The following DYNC2H1 variants were observed in gnomAD, a reference collection of about 807,000 sequenced individuals.
DYNC2H1 encodes cytoplasmic dynein 2 heavy chain 1.
In DYNC2H1, 410 loss-of-function variants were observed where a neutral mutation model predicts 570.0. That is an observed-to-expected ratio of 0.72 (90% confidence interval 0.66 to 0.78). The LOEUF (loss-of-function observed/expected upper bound fraction) is 0.78. Ranked by LOEUF, DYNC2H1 falls within the 30% of genes least tolerant of loss-of-function variation. The probability of loss-of-function intolerance (pLI) is 0.00; values close to 1 mark genes in which losing one functional copy is unlikely to be tolerated. For missense variants in DYNC2H1, 4,865 were observed against 5,046.4 expected (o/e 0.96, Z 1.09); for synonymous variants, 1,688 against 1,677.6 (o/e 1.01, Z -0.15).
At chr11:103,128,785 T>C in intron 12 of DYNC2H1, 125 bp from the exon 13 acceptor site, 1 of 822,068 alleles carries the variant, frequency 1.2e-6, no homozygotes, top group Non-Finnish European at 1.8e-6. Flanking sequence ...CTATTGGAGA[T>C]GAAAAACCAA....
At position 103,173,107 on chromosome 11, in the gene DYNC2H1, T is replaced by C. The variant is rs1352065822; in HGVS notation, c.5360T>C (p.Ile1787Thr). ...KEVEVNSNSGIFITMNPAGKG... is the reference protein window; with the variant it reads ...KEVEVNSNSGTFITMNPAGKG... ...GTAGAAGTAAATTCTAATTCTGGAATTTTTATCACTATGAATCCTGCTGGA... is the reference window on the plus strand; with the variant it reads ...GTAGAAGTAAATTCTAATTCTGGAACTTTTATCACTATGAATCCTGCTGGA... The change falls in exon 35 of 89, where the codon ATT (isoleucine) becomes ACT (threonine). Residue 1787 changes from isoleucine (I) to threonine (T), a missense_variant. Around this residue, in one of 5 missense-constraint regions of DYNC2H1, gnomAD observed 292 missense variants for 300.2 expected, o/e 0.97. Coordinates refer to ENST00000375735, the MANE Select transcript of DYNC2H1 (RefSeq NM_001377.3). 2 of 1,378,066 alleles carry C rather than the reference T, an allele frequency of 1.5e-6. No individual in the cohort carries two copies. The highest frequency in any genetic ancestry group is 5.9e-5 in the East Asian group (2 of 33,662). The allele number at this position is 1,378,066 out of a possible 1,614,324, so 85.4% of individuals were successfully genotyped here.
At chr11:103,279,254 G>C (rs188693872) in intron 70 of DYNC2H1, among the ~76,000 whole-genome samples, 2 of 152,216 alleles carry the variant, frequency 1.3e-5, no homozygotes, top group African/African-American at 4.8e-5. Flanking sequence ...AATTTTGTAT[G>C]CCATATATAA....
intron 80 of DYNC2H1, among the ~76,000 whole-genome samples, chr11:103,317,660 A>C (rs977737936): frequency 4.6e-5 from 7 of 152,164 alleles, no homozygotes; most frequent in African/African-American, 1.7e-4. Flanking sequence ...TGAAGGTTTT[A>C]ATAGGTGTTC....
chr11:103,303,372 A>G (rs1165412934), intron 76 of DYNC2H1, 119 bp downstream of exon 76: 19 of 1,102,542 alleles, frequency 1.7e-5, no homozygotes, highest in South Asian at 3.8e-5. Context: ...AAAAATGTCT[A>G]TGTCCTAATC....
intron 70 of DYNC2H1, among the ~76,000 whole-genome samples, chr11:103,262,592 C>T (rs1356034625): frequency 1.3e-5 from 2 of 152,062 alleles, no homozygotes; most frequent in African/African-American, 4.8e-5. Context: ...TTTCATATCT[C>T]ACCAAACTAA....
Position 103,319,768 on chromosome 11 carries a change from T to C in DYNC2H1, c.11726-1261T>C, listed in dbSNP as rs762434778. On this transcript the variant is annotated intron_variant, in intron 80 of 88. Coordinates refer to ENST00000375735, the MANE Select transcript of DYNC2H1 (RefSeq NM_001377.3). This position sits in a 1 kb window ranked among gnomAD's most constrained non-coding sequence, Gnocchi z 4.3. ...AGATACACTAATATGTCTGTATTCC[T>C]TAATGACTTATCAATGACTGGCTAA... 6.6e-5 allele frequency among the ~76,000 whole-genome samples: 10 copies of C among 152,222 alleles called. No homozygotes were observed. The highest frequency in any genetic ancestry group is 1.2e-4 in the Non-Finnish European group (8 of 68,022).
intron 82 of DYNC2H1, among the ~76,000 whole-genome samples, chr11:103,345,319 C>T (rs1189233918): frequency 1.3e-5 from 2 of 151,830 alleles, no homozygotes; most frequent in Non-Finnish European, 2.9e-5. Flanking sequence ...CCACTAGGAA[C>T]GTTTGTGGCT....
At position 103,461,119 on chromosome 11, in the gene DYNC2H1, C is replaced by G. The variant is rs943254982; in HGVS notation, c.12648+4763C>G. Among the ~76,000 whole-genome samples, 2 of 152,124 alleles carry G rather than the reference C, an allele frequency of 1.3e-5. No individual in the cohort carries two copies. Among genetic ancestry groups the G allele is most frequent in the Non-Finnish European group, 2.9e-5 (2 of 68,018 alleles). On this transcript the variant is annotated intron_variant, in intron 87 of 88. Transcript: ENST00000375735. This position sits in a 1 kb window ranked among gnomAD's most constrained non-coding sequence, Gnocchi z 4.8. Reference sequence around the variant, plus strand: ...TTTCTAACTTTCTCGCCTGCAGTTTCCAATAATGTTACCAGGGAAGAAGTC... The same window carrying G: ...TTTCTAACTTTCTCGCCTGCAGTTTGCAATAATGTTACCAGGGAAGAAGTC...
chr11:103,312,058 C>T (rs1287970354), intron 79 of DYNC2H1, 25 bp downstream of exon 79: 1 of 1,581,194 alleles, frequency 6.3e-7, no homozygotes, highest in African/African-American at 1.4e-5. Context: ...GTCTTGAATA[C>T]ATTCTAAGCT....
intron 84 of DYNC2H1, among the ~76,000 whole-genome samples, chr11:103,425,200 A>G (rs1591734679): frequency 7.6e-6 from 1 of 130,938 alleles, no homozygotes; most frequent in East Asian, 2.5e-4. Flanking sequence ...CAGCCTCTCA[A>G]AGTGCTGGGA....
In DYNC2H1 at chr11:103,170,660, T is replaced by C. The variant is rs1293018871; in HGVS notation, c.5152-226T>C. On this transcript the variant is annotated intron_variant, in intron 33 of 88. Coordinates refer to ENST00000375735, the MANE Select transcript of DYNC2H1 (RefSeq NM_001377.3). This position sits in a 1 kb window ranked among gnomAD's most constrained non-coding sequence, Gnocchi z 4.8. Reference sequence around the variant, plus strand: ...AGAGTAACTAACACAAATCTTGTATTTTTTCTGCAAGCTTTTTAGAACACT... The same window carrying C: ...AGAGTAACTAACACAAATCTTGTATCTTTTCTGCAAGCTTTTTAGAACACT... 6.6e-6 allele frequency among the ~76,000 whole-genome samples: 1 copy of C among 152,224 alleles called. No homozygotes were observed. The highest frequency in any genetic ancestry group is 1.5e-5 in the Non-Finnish European group (1 of 68,052).
At position 103,128,995 on chromosome 11, in the gene DYNC2H1, A is replaced by G; in HGVS notation, c.1943A>G (p.Gln648Arg). ...TTACAATCTGCCTTAGCATTTGAACAGATAATTAAGGTAAATGGGCTTTTA... is the reference window on the plus strand; with the variant it reads ...TTACAATCTGCCTTAGCATTTGAACGGATAATTAAGGTAAATGGGCTTTTA... ...MMLQSALAFE[Q>R]IIKNSKAGSG... Residue 648 changes from glutamine (Q) to arginine (R), a missense_variant, in exon 13 of 89, where the codon CAG becomes CGG. Coordinates refer to ENST00000375735, the MANE Select transcript of DYNC2H1 (RefSeq NM_001377.3). The G allele has an allele frequency of 6.2e-7, 1 of 1,601,808 alleles. No individual in the cohort carries two copies. Among genetic ancestry groups the G allele is most frequent in the East Asian group, 2.3e-5 (1 of 44,400 alleles).
At position 103,153,330 on chromosome 11, in the gene DYNC2H1, T is replaced by C; in HGVS notation, c.3124T>C (p.Ser1042Pro). Residue 1042 changes from serine to proline, a missense_variant, in exon 22 of 89, where the codon TCA (serine) becomes CCA (proline). Around this residue, in one of 5 missense-constraint regions of DYNC2H1, gnomAD observed 1,936 missense variants for 1,962.1 expected, o/e 0.99. Coordinates refer to ENST00000375735, the MANE Select transcript of DYNC2H1 (RefSeq NM_001377.3). ...QIEVMKGNVK[S>P]RLQIYYQELE... is the part of the protein sequence containing the mutation. ...TGAAGTGATGAAAGGAAATGTGAAA[T>C]CACGTCTTCAGATCTATTATCAAGA... is the stretch of plus-strand genomic sequence containing the variant. 6.5e-7 allele frequency: 1 copy of C among 1,539,950 alleles called. No homozygotes were observed. Among genetic ancestry groups the C allele is most frequent in the Non-Finnish European group, 8.7e-7 (1 of 1,144,156 alleles).
intron 34 of DYNC2H1, among the ~76,000 whole-genome samples, chr11:103,172,121 A>G (rs956087409): frequency 6.6e-6 from 1 of 152,204 alleles, no homozygotes; most frequent in Non-Finnish European, 1.5e-5. Flanking sequence ...GACCAGTTCT[A>G]AATTGTTAAC....
At chr11:103,441,720 G>A (rs1485124324) in intron 85 of DYNC2H1, among the ~76,000 whole-genome samples, 1 of 151,770 alleles carries the variant, frequency 6.6e-6, no homozygotes, top group African/African-American at 2.4e-5. Context: ...GAGATTTTTG[G>A]CTTCTATCTA....
At chr11:103,459,106 G>A (rs910004984) in intron 87 of DYNC2H1, among the ~76,000 whole-genome samples, 8 of 150,908 alleles carry the variant, frequency 5.3e-5, no homozygotes, top group Admixed American at 2.0e-4. Context: ...TCAGGAGATC[G>A]AGACCATCCC....
In DYNC2H1 at chr11:103,163,050, TA is replaced by T. The variant is rs756629724; in HGVS notation, c.4515del (p.Glu1506LysfsTer2). On this transcript the variant is annotated frameshift_variant, in exon 30 of 89. Transcript: ENST00000375735. LOFTEE classifies it high-confidence loss of function. The surrounding 1 kb of genome is among the most constrained non-coding windows in gnomAD (Gnocchi z 4.6). Reference protein sequence around the residue: ...NVETWLNDLALEMKKTLEQLL... With the variant: ...NVETWLNDLAXEMKKTLEQLL... ...CAGACATGGTTGAATGATTTGGCCT[TA>T]GAAATGAAGAAAACTTTGGAACAGT... The T allele has an allele frequency of 6.2e-7, 1 of 1,612,766 alleles. No individual in the cohort carries two copies. The highest frequency in any genetic ancestry group is 1.7e-5 in the Admixed American group (1 of 59,982).
intron 28 of DYNC2H1, among the ~76,000 whole-genome samples, chr11:103,160,616 G>T (rs1470066323): frequency 2.0e-5 from 3 of 151,956 alleles, no homozygotes; most frequent in Non-Finnish European, 4.4e-5. Flanking sequence ...CTGGAAAATG[G>T]TAGGAATGAA....
At position 103,461,614 on chromosome 11, in the gene DYNC2H1, A is replaced by G. The variant is rs1301656609; in HGVS notation, c.12648+5258A>G. ...CGAGTGCTCAGTAGCCATATGCGGT[A>G]TAGTATATACAGTAACCACATATGG... On this transcript the variant is annotated intron_variant, in intron 87 of 88. Transcript: ENST00000375735. The surrounding 1 kb of genome is among the most constrained non-coding windows in gnomAD (Gnocchi z 4.8). Among the ~76,000 whole-genome samples the G allele has an allele frequency of 1.3e-5, 2 of 152,182 alleles. No individual in the cohort carries two copies. Among genetic ancestry groups the G allele is most frequent in the Admixed American group, 6.5e-5 (1 of 15,282 alleles).
Sources: allele counts gnomAD v4.1 joint callset (sites outside exome capture counted in the v4.1 genomes callset), GRCh38; gene constraint gnomAD v4.1.1; regional missense constraint gnomAD v4.1.1; non-coding constraint Gnocchi (gnomAD v3.1); transcripts MANE v1.5; gene names NCBI Gene and HGNC (gene_info 2026-07-23, HGNC 2026-07-21).